Variants in LRRC56 observed in about 807,000 individuals in gnomAD.
The protein encoded by LRRC56 is leucine-rich repeat-containing protein 56.
Under a neutral mutation model 47.8 loss-of-function variants are expected in LRRC56, and 41 were observed. The ratio of observed to expected loss-of-function variants is 0.86; its 90% CI spans 0.67 to 1.11. LRRC56 has a LOEUF of 1.11. LRRC56 is among the 50% of genes most tolerant of loss of function. The pLI, the probability that LRRC56 is intolerant of heterozygous loss-of-function variation, is 0.00. For missense variants in LRRC56, 759 were observed against 704.2 expected, an observed-to-expected ratio of 1.08 and a Z score of -0.88; for synonymous variants, 387 against 311.2, an observed-to-expected ratio of 1.24 and a Z score of -2.56.
chr11:540,443 G>A (rs1246050322), intron 3 of LRRC56, among the ~76,000 whole-genome samples: 1 of 152,080 alleles, frequency 6.6e-6, no homozygotes, highest in Non-Finnish European at 1.5e-5. Context: ...AGAGGGGGTC[G>A]AGCCAAGGCT....
At chr11:520,644 A>G in the LRRC56 span, among the ~76,000 whole-genome samples, 1 of 152,110 alleles carries the variant, frequency 6.6e-6, no homozygotes, top group African/African-American at 2.4e-5. Context: ...CAAACATACA[A>G]ACAGGTTTTT....
intron 1 of LRRC56, among the ~76,000 whole-genome samples, chr11:538,376 G>T (rs993705652): frequency 6.6e-6 from 1 of 152,198 alleles, no homozygotes; most frequent in East Asian, 1.9e-4. Flanking sequence ...TCTTTGGGGG[G>T]ATGCAGTGTT....
chr11:552,777 C>T lies in LRRC56; in HGVS notation c.1315+75C>T, dbSNP rs911512842. ...CCACTTCTATAGGGGGGCCCTTACC[C>T]CAGATCAGATGTGTCAACCTGGCCC... On this transcript the variant is annotated intron_variant, in intron 13 of 13. Coordinates refer to ENST00000270115, the MANE Select transcript of LRRC56 (RefSeq NM_198075.4). The T allele has an allele frequency of 8.6e-6, 11 of 1,284,412 alleles. No homozygotes were observed. The African/African-American group carries it at 1.6e-4, about 19-fold the overall frequency. The allele number at this position is 1,284,412 out of a possible 1,614,324, so 79.6% of individuals were successfully genotyped here.
intron 6 of LRRC56, among the ~76,000 whole-genome samples, chr11:545,137 T>C (rs1026736354): frequency 2.6e-5 from 4 of 152,148 alleles, no homozygotes; most frequent in Non-Finnish European, 4.4e-5. Context: ...CCCCTACACA[T>C]GGAGCTCTTG....
the LRRC56 span, among the ~76,000 whole-genome samples, chr11:530,461 CT>C: frequency 7.2e-6 from 1 of 138,554 alleles, no homozygotes; most frequent in African/African-American, 2.8e-5. Context: ...GTGGCGTCCC[CT>C]GGAGAGAAGG....
At chr11:518,142 G>A in the LRRC56 span, among the ~76,000 whole-genome samples, 1 of 151,826 alleles carries the variant, frequency 6.6e-6, no homozygotes, top group Non-Finnish European at 1.5e-5. Context: ...CCCTCTCTGA[G>A]AAACACCCAA....
chr11:522,269 T>C, the LRRC56 span, among the ~76,000 whole-genome samples: 3 of 151,614 alleles, frequency 2.0e-5, no homozygotes, highest in Non-Finnish European at 4.4e-5. Flanking sequence ...TGTTTTGTTT[T>C]GTTTTGTTTT....
upstream of LRRC56, chr11:533,970 C>A: frequency 6.2e-7 from 1 of 1,605,428 alleles, no homozygotes. Flanking sequence ...GCTCAGGGAC[C>A]CCCTCAGGAC....
In LRRC56 at chr11:551,775, C is replaced by T. The variant is rs758190670; in HGVS notation, c.921C>T (p.Gly307=). The change falls in exon 10 of 14, where the codon GGC becomes GGT. Residue 307 remains glycine (G), a synonymous_variant. Coordinates refer to ENST00000270115, the MANE Select transcript of LRRC56 (RefSeq NM_198075.4). ...TCCGTGGGGGCCCCCTGCCTGAAGGCCTGCTTTCTGAGGACCTGGCCCCAG... is the reference window on the plus strand; with the variant it reads ...TCCGTGGGGGCCCCCTGCCTGAAGGTCTGCTTTCTGAGGACCTGGCCCCAG... The part of the protein sequence containing the change: ...LLVRGGPLPE[G]LLSEDLAPED... 5.0e-6 allele frequency: 8 copies of T among 1,610,478 alleles called. No homozygotes were observed. In the Admixed American group the frequency reaches 1.2e-4, roughly 24 times the overall value.
At chr11:539,119 C>T (rs1328365486) in intron 2 of LRRC56, among the ~76,000 whole-genome samples, 5 of 152,190 alleles carry the variant, frequency 3.3e-5, no homozygotes, top group African/African-American at 7.2e-5. Context: ...CTCTCTCTGT[C>T]GCCCAGGCTG....
chr11:539,076 C>T (rs1465418175), intron 2 of LRRC56, among the ~76,000 whole-genome samples: 1 of 151,804 alleles, frequency 6.6e-6, no homozygotes, highest in Admixed American at 6.5e-5. Context: ...ATGTCTGCAT[C>T]TTTGTTTGTT....
At chr11:532,669 G>A (rs371316832), upstream of LRRC56, 21 of 1,612,768 alleles carry the variant, frequency 1.3e-5, no homozygotes, top group African/African-American at 4.0e-5. Context: ...TCATGCAGCC[G>A]GGGCCACTCT....
At position 553,973 on chromosome 11, in the gene LRRC56, G is replaced by C; in HGVS notation, c.1326G>C (p.Gly442=). ...CTGCTTGCTTTCTAGAGCCCTCCGG[G>C]ACCTCGAGCCAGCACCTGGTCCCTT... ...SPPSLASEPS[G]TSSQHLVPSP... is the part of the protein sequence containing the mutation. The change falls in exon 14 of 14, where the codon GGG becomes GGC. Residue 442 remains glycine, a synonymous_variant. Coordinates refer to ENST00000270115, the MANE Select transcript of LRRC56 (RefSeq NM_198075.4). 1 of 1,611,678 alleles carries C rather than the reference G, an allele frequency of 6.2e-7. No homozygotes were observed. The highest frequency in any genetic ancestry group is 8.5e-7 in the Non-Finnish European group (1 of 1,179,486).
intron 12 of LRRC56, 128 bp downstream of exon 12, chr11:552,360 G>A (rs924304796): frequency 7.4e-7 from 1 of 1,351,924 alleles, no homozygotes; most frequent in South Asian, 1.4e-5. Flanking sequence ...CCTGTCCCGT[G>A]GGGGGATCAG....
At chr11:511,315 C>T in the LRRC56 span, among the ~76,000 whole-genome samples, 4 of 137,468 alleles carry the variant, frequency 2.9e-5, no homozygotes, top group African/African-American at 5.4e-5. Context: ...AGCTAGACTC[C>T]GTCTCAAAAA....
upstream of LRRC56, among the ~76,000 whole-genome samples, chr11:536,170 C>T (rs45592146): frequency 2.6e-5 from 4 of 152,184 alleles, no homozygotes; most frequent in Non-Finnish European, 5.9e-5. Context: ...CGGTGGGGTT[C>T]CGGGCGGCGG....
chr11:546,431 G>T (rs576361711), intron 6 of LRRC56, among the ~76,000 whole-genome samples: 1 of 152,106 alleles, frequency 6.6e-6, no homozygotes, highest in Non-Finnish European at 1.5e-5. Context: ...AGCCGGGCGT[G>T]GTGGTGGGCG....
intron 13 of LRRC56, among the ~76,000 whole-genome samples, chr11:553,091 G>A (rs1036296333): frequency 5.9e-5 from 9 of 152,246 alleles, no homozygotes; most frequent in Non-Finnish European, 1.3e-4. Flanking sequence ...TCCGGGGGCT[G>A]GGAGGAAAGG....
upstream of LRRC56, chr11:533,493 T>G (rs1180561549): frequency 4.3e-6 from 7 of 1,613,368 alleles, no homozygotes; most frequent in Non-Finnish European, 5.9e-6. Flanking sequence ...GGGGATGCCG[T>G]AGCTTCGGGC....
Sources: allele counts gnomAD v4.1 joint callset (sites outside exome capture counted in the v4.1 genomes callset), GRCh38; gene constraint gnomAD v4.1.1; transcripts MANE v1.5; gene names NCBI Gene and HGNC (gene_info 2026-07-23, HGNC 2026-07-21).